The following FOXP2 variants were observed in gnomAD, a reference collection of about 807,000 sequenced individuals.
FOXP2 encodes forkhead box P2.
In FOXP2, 12 loss-of-function variants were observed where a neutral mutation model predicts 115.8. The observed-to-expected ratio is 0.10, with a 90% CI of 0.07 to 0.17. FOXP2 has a LOEUF of 0.17. Among genes scored for constraint, FOXP2 ranks in the 10% least tolerant of loss-of-function variants. The pLI is 1.00. For missense variants in FOXP2, 629 were observed against 843.5 expected, an observed-to-expected ratio of 0.75 and a Z score of 3.15; for synonymous variants, 328 against 297.7, an observed-to-expected ratio of 1.10 and a Z score of -1.05.
intron 2 of FOXP2, among the ~76,000 whole-genome samples, chr7:114,499,900 T>G (rs928849394): frequency 2.6e-5 from 4 of 152,050 alleles, no homozygotes; most frequent in Non-Finnish European, 5.9e-5. Context: ...AATATAGTTT[T>G]GGGTTAATAA....
At chr7:114,626,126 T>A (rs1211352818) in intron 3 of FOXP2, among the ~76,000 whole-genome samples, 1 of 151,958 alleles carries the variant, frequency 6.6e-6, no homozygotes, top group East Asian at 1.9e-4. Context: ...ATGGTTATAT[T>A]TATGTCATAA....
intron 16 of FOXP2, among the ~76,000 whole-genome samples, chr7:114,674,509 G>A (rs926448205): frequency 2.6e-5 from 4 of 152,100 alleles, no homozygotes; most frequent in Non-Finnish European, 5.9e-5. Flanking sequence ...GCTACTACAC[G>A]CAAACTCATT....
At chr7:114,473,489 A>G (rs1398223122) in intron 2 of FOXP2, among the ~76,000 whole-genome samples, 1 of 152,220 alleles carries the variant, frequency 6.6e-6, no homozygotes, top group Non-Finnish European at 1.5e-5. Flanking sequence ...AGTATGGTAG[A>G]TTCAAAGATC....
chr7:114,683,441 C>T (rs928530498), intron 16 of FOXP2, among the ~76,000 whole-genome samples: 4 of 152,168 alleles, frequency 2.6e-5, no homozygotes, highest in African/African-American at 9.7e-5. Context: ...TGCCTGTATG[C>T]AGACACTTGG....
chr7:114,130,743 T>C (rs1050123360), intron 1 of FOXP2, among the ~76,000 whole-genome samples: 4 of 152,202 alleles, frequency 2.6e-5, no homozygotes, highest in Admixed American at 6.5e-5. Flanking sequence ...ACAGAAAATA[T>C]ATGCAAAGGC....
intron 2 of FOXP2, among the ~76,000 whole-genome samples, chr7:114,456,071 C>T (rs1795300875): frequency 6.6e-6 from 1 of 152,182 alleles, no homozygotes; most frequent in African/African-American, 2.4e-5. Context: ...TCACTCTCAT[C>T]CTCATTCCCA....
chr7:114,547,505 C>G (rs1799985838), intron 3 of FOXP2, among the ~76,000 whole-genome samples: 1 of 152,152 alleles, frequency 6.6e-6, no homozygotes, highest in Non-Finnish European at 1.5e-5. Context: ...CGCCTGTAAT[C>G]ACAACAGTTT....
intron 2 of FOXP2, among the ~76,000 whole-genome samples, chr7:114,346,161 T>C (rs1916974): frequency 0.016 from 2,358 of 151,896 alleles, 57 homozygotes; most frequent in African/African-American, 0.054. Flanking sequence ...TTTAAAATAA[T>C]TTATCAGGAG....
chr7:114,258,293 C>T (rs1016671386), intron 1 of FOXP2, among the ~76,000 whole-genome samples: 4 of 152,118 alleles, frequency 2.6e-5, no homozygotes, highest in African/African-American at 7.2e-5. Context: ...GGTTATGTGT[C>T]TTAATCCCTA....
intron 1 of FOXP2, among the ~76,000 whole-genome samples, chr7:114,200,054 C>T (rs1219258413): frequency 6.6e-6 from 1 of 152,154 alleles, no homozygotes; most frequent in African/African-American, 2.4e-5. Context: ...ACTTTTCCTT[C>T]ACATTAGATT....
At chr7:114,242,958 C>T (rs920688195) in intron 1 of FOXP2, among the ~76,000 whole-genome samples, 5 of 152,060 alleles carry the variant, frequency 3.3e-5, no homozygotes, top group Non-Finnish European at 5.9e-5. Flanking sequence ...AAAATTATGG[C>T]CCTTGGACTC....
intron 2 of FOXP2, among the ~76,000 whole-genome samples, chr7:114,307,725 T>C (rs1295562189): frequency 6.6e-6 from 1 of 152,216 alleles, no homozygotes; most frequent in African/African-American, 2.4e-5. Flanking sequence ...ATTTTAGGCA[T>C]ATTTAAATAA....
At chr7:114,171,802 T>C (rs549911439) in intron 1 of FOXP2, among the ~76,000 whole-genome samples, 44 of 152,320 alleles carry the variant, frequency 2.9e-4, no homozygotes, top group African/African-American at 1.0e-3. Context: ...TTGAAAACCT[T>C]CTAGAAAGGA....
At chr7:114,590,894 G>A (rs1380665984) in intron 3 of FOXP2, among the ~76,000 whole-genome samples, 3 of 151,988 alleles carry the variant, frequency 2.0e-5, no homozygotes, top group Non-Finnish European at 4.4e-5. Context: ...AAAGGATAAT[G>A]TGATTATACT....
At chr7:114,482,494 A>G (rs1796601394) in intron 2 of FOXP2, among the ~76,000 whole-genome samples, 1 of 151,556 alleles carries the variant, frequency 6.6e-6, no homozygotes, top group African/African-American at 2.4e-5. Context: ...TATGTTTTAT[A>G]TAATACAAGA....
upstream of FOXP2, among the ~76,000 whole-genome samples, chr7:114,158,643 T>A (rs973592297): frequency 5.3e-5 from 8 of 152,154 alleles, no homozygotes; most frequent in Non-Finnish European, 1.0e-4. Flanking sequence ...GTGACCCTTA[T>A]GTTGTATGTG....
At chr7:114,244,828 C>T (rs1795237901) in intron 1 of FOXP2, among the ~76,000 whole-genome samples, 3 of 151,844 alleles carry the variant, frequency 2.0e-5, no homozygotes, top group Non-Finnish European at 4.4e-5. Context: ...GTGGCGCAAT[C>T]TCGGCTCACT....
At chr7:114,610,421 T>C (rs1356287681) in intron 3 of FOXP2, among the ~76,000 whole-genome samples, 1 of 152,190 alleles carries the variant, frequency 6.6e-6, no homozygotes, top group East Asian at 1.9e-4. Flanking sequence ...ATGCAGAAAA[T>C]GCATCAGTTC....
chr7:114,336,262 A>G (rs1797852941), intron 2 of FOXP2, among the ~76,000 whole-genome samples: 1 of 151,584 alleles, frequency 6.6e-6, no homozygotes, highest in Admixed American at 6.6e-5. Flanking sequence ...ATACATGTGA[A>G]GTGTTCTTAC....
Sources: gnomAD v4.1 joint callset for allele counts (sites outside exome capture counted in the v4.1 genomes callset) on GRCh38, gnomAD v4.1.1 for gene constraint, MANE v1.5 for transcripts, NCBI Gene and HGNC (gene_info 2026-07-23, HGNC 2026-07-21) for gene names.